The following DNAH3 variants were observed in gnomAD, a reference collection of about 807,000 sequenced individuals.
DNAH3 encodes the protein axonemal beta dynein heavy chain 3.
DNAH3 carries 332 observed loss-of-function variants against 432.5 expected under a neutral mutation model. That is an observed-to-expected ratio of 0.77 (90% CI 0.70 to 0.84). DNAH3 has a LOEUF of 0.84. Among genes scored for constraint, DNAH3 ranks in the 40% least tolerant of loss-of-function variants. DNAH3 has a pLI of 0.00. For synonymous variants in DNAH3, 1,956 were observed against 1,900.2 expected (o/e 1.03, Z -0.76); for missense variants, 4,861 against 5,114.0 (o/e 0.95, Z 1.51).
At chr16:20,971,735 C>T (rs2085351742) in intron 51 of DNAH3, among the ~76,000 whole-genome samples, 1 of 152,216 alleles carries the variant, frequency 6.6e-6, no homozygotes, top group Admixed American at 6.5e-5. Flanking sequence ...TTTGGCCTGA[C>T]ATTACAGAGC....
At chr16:20,944,158 A>AAAAG (rs543157288) in intron 58 of DNAH3, among the ~76,000 whole-genome samples, 1 of 151,176 alleles carries the variant, frequency 6.6e-6, no homozygotes, top group Non-Finnish European at 1.5e-5. Context: ...TTAAAAAAAA[A>AAAAG]AGAGAGTTAG....
At chr16:21,027,748 T>C (rs1443247645) in intron 37 of DNAH3, among the ~76,000 whole-genome samples, 2 of 152,200 alleles carry the variant, frequency 1.3e-5, no homozygotes, top group South Asian at 2.1e-4. Context: ...AGCTGCAATT[T>C]TAATAGGAAA....
chr16:21,119,077 T>A (rs2092275613), intron 11 of DNAH3, among the ~76,000 whole-genome samples: 1 of 152,188 alleles, frequency 6.6e-6, no homozygotes, highest in Non-Finnish European at 1.5e-5. Flanking sequence ...AGGAGCAACT[T>A]CTTTGCTGCA....
intron 54 of DNAH3, among the ~76,000 whole-genome samples, chr16:20,956,882 C>T (rs1485030192): frequency 6.6e-6 from 1 of 152,122 alleles, no homozygotes; most frequent in African/African-American, 2.4e-5. Context: ...CACCACCGCA[C>T]CTGGCTAATT....
exon 7 of DNAH3, chr16:21,134,391 A>G: frequency 6.2e-7 from 1 of 1,614,214 alleles, no homozygotes; most frequent in Non-Finnish European, 8.5e-7. Flanking sequence ...TTGAGGAAAC[A>G]AGCGGGGGAT....
intron 41 of DNAH3, 124 bp from the exon 42 acceptor site, chr16:21,003,331 G>T: frequency 1.6e-6 from 1 of 632,408 alleles, no homozygotes; most frequent in Non-Finnish European, 2.7e-6. Context: ...TACTGGCATA[G>T]TTGTGGTGAA....
exon 55 of DNAH3, chr16:20,954,985 A>T (rs759148331): frequency 8.7e-6 from 14 of 1,614,054 alleles, no homozygotes; most frequent in Non-Finnish European, 1.2e-5. Context: ...TGGGGGGCTC[A>T]TTGGTCATTT....
At chr16:20,959,856 GAAAC>G (rs2084741801) in intron 53 of DNAH3, among the ~76,000 whole-genome samples, 1 of 151,772 alleles carries the variant, frequency 6.6e-6, no homozygotes, top group Non-Finnish European at 1.5e-5. Flanking sequence ...GAACTGAAAA[GAAAC>G]AAAAAAAATC....
At chr16:21,034,133 C>T in intron 35 of DNAH3, 48 bp from the exon 36 acceptor site, 1 of 1,276,862 alleles carries the variant, frequency 7.8e-7, no homozygotes, top group Non-Finnish European at 1.1e-6. Context: ...TGCAACGCTC[C>T]CCCATTGTGA....
intron 35 of DNAH3, 93 bp downstream of exon 35, chr16:21,036,621 G>T: frequency 8.3e-7 from 1 of 1,202,214 alleles, no homozygotes; most frequent in Non-Finnish European, 1.2e-6. Flanking sequence ...TCTGATTGCT[G>T]TCACTTCAGT....
At chr16:21,144,402 C>A (rs1247998477) in intron 3 of DNAH3, among the ~76,000 whole-genome samples, 1 of 152,170 alleles carries the variant, frequency 6.6e-6, no homozygotes, top group Non-Finnish European at 1.5e-5. Flanking sequence ...GGGAGAGACC[C>A]GTGTGGCAAG....
chr16:20,947,381 T>C (rs1426107594), intron 57 of DNAH3, among the ~76,000 whole-genome samples: 1 of 152,186 alleles, frequency 6.6e-6, no homozygotes, highest in East Asian at 1.9e-4. Context: ...TAAACCTAAG[T>C]ATTTCTCTGA....
chr16:21,103,171 G>A (rs891920418), intron 16 of DNAH3, among the ~76,000 whole-genome samples: 1 of 152,082 alleles, frequency 6.6e-6, no homozygotes, highest in Non-Finnish European at 1.5e-5. Flanking sequence ...CAGGGAAAGG[G>A]TAGGAGGGGG....
Position 21,062,696 on chromosome 16 carries a change from A to C in DNAH3, c.3519-13T>G, listed in dbSNP as rs1413740184. 1.2e-6 allele frequency: 2 copies of C among 1,604,934 alleles called. No homozygotes were observed. The highest frequency in any genetic ancestry group is 1.3e-5 in the African/African-American group (1 of 74,698). ...TAGGAAGAAGAATCTATTTCAAAGC[A>C]AAGAAAGATGGTAACTGGAACCTCT... On this transcript the variant is annotated splice_polypyrimidine_tract_variant and intron_variant, in intron 24 of 61. Coordinates refer to ENST00000261383, the Ensembl canonical transcript of DNAH3.
At chr16:21,032,866 T>G (rs553523300) in intron 36 of DNAH3, among the ~76,000 whole-genome samples, 8 of 152,218 alleles carry the variant, frequency 5.3e-5, no homozygotes, top group Admixed American at 2.0e-4. Flanking sequence ...GTAGCCTCCT[T>G]TTTCTTCACT....
chr16:21,014,465 A>G (rs902529305), intron 41 of DNAH3, among the ~76,000 whole-genome samples: 4 of 152,214 alleles, frequency 2.6e-5, no homozygotes, highest in Non-Finnish European at 1.5e-5. Flanking sequence ...AACTTGATAA[A>G]GAATACCAAT....
At chr16:21,018,182 G>A (rs1016770207) in intron 41 of DNAH3, among the ~76,000 whole-genome samples, 5 of 152,102 alleles carry the variant, frequency 3.3e-5, no homozygotes, top group Non-Finnish European at 7.4e-5. Flanking sequence ...ACATATTTGT[G>A]TAATCCAGGT....
intron 1 of DNAH3, among the ~76,000 whole-genome samples, chr16:21,147,431 G>C (rs1363636716): frequency 2.0e-5 from 3 of 152,064 alleles, no homozygotes; most frequent in Admixed American, 2.0e-4. Flanking sequence ...GGTCAGGCTG[G>C]TCTTGAACTC....
At chr16:21,120,601 A>C (rs1247171095) in intron 11 of DNAH3, 6 of 689,140 alleles carry the variant, frequency 8.7e-6, no homozygotes, top group Non-Finnish European at 1.6e-5. Context: ...GTGTCACTAG[A>C]TGGGGAACTC....
Sources: allele counts gnomAD v4.1 joint callset (sites outside exome capture counted in the v4.1 genomes callset), GRCh38; gene constraint gnomAD v4.1.1; transcripts MANE v1.5; gene names NCBI Gene and HGNC (gene_info 2026-07-23, HGNC 2026-07-21).